Variants in SLC22A23 observed in about 807,000 individuals in gnomAD.
The protein encoded by SLC22A23 is ion transporter protein.
In SLC22A23, 26 loss-of-function variants were observed where a neutral mutation model predicts 61.0. The observed-to-expected ratio is 0.43, with a 90% CI of 0.31 to 0.59. The LOEUF is 0.59. Among genes scored for constraint, SLC22A23 ranks in the 20% least tolerant of loss-of-function variants. SLC22A23 has a pLI of 0.11. For synonymous variants in SLC22A23, 430 were observed against 413.9 expected, an observed-to-expected ratio of 1.04 and a Z score of -0.47; for missense variants, 796 against 934.7, an observed-to-expected ratio of 0.85 and a Z score of 1.94.
Position 3,427,247 on chromosome 6 carries a change from G to T in SLC22A23, c.655-11392C>A, listed in dbSNP as rs916870782. Among the ~76,000 whole-genome samples the T allele has an allele frequency of 5.3e-5, 8 of 152,052 alleles. No homozygotes were observed. Among genetic ancestry groups the T allele is most frequent in the African/African-American group, 1.7e-4 (7 of 41,312 alleles). ...TAACATCGGGAATGCGCCTGGTGCA[G>T]TAACCGGCACAAAGTGATTATTACT... On this transcript the variant is annotated intron_variant, in intron 1 of 9. Transcript: ENST00000406686. This position sits in a 1 kb window ranked among gnomAD's most constrained non-coding sequence, Gnocchi z 4.3.
rs1769528705 is a variant in SLC22A23, at chr6:3,414,552, G to C, written c.758+1200C>G. The stretch of plus-strand genomic sequence containing the variant: ...AACTCCCAAATACACGCTGGGTTTT[G>C]GAAGAAATTTTCCACATGTGTAATG... On this transcript the variant is annotated intron_variant, in intron 2 of 9. Transcript: ENST00000406686. The surrounding 1 kb of genome is among the most constrained non-coding windows in gnomAD (Gnocchi z 5.1). 6.6e-6 allele frequency among the ~76,000 whole-genome samples: 1 copy of C among 151,946 alleles called. No homozygotes were observed. The highest frequency in any genetic ancestry group is 1.5e-5 in the Non-Finnish European group (1 of 67,986).
chr6:3,391,912 A>T (rs1767684777), intron 3 of SLC22A23, among the ~76,000 whole-genome samples: 1 of 152,050 alleles, frequency 6.6e-6, no homozygotes, highest in Non-Finnish European at 1.5e-5. Context: ...AGTACAAAGG[A>T]ACTAAGGAGC....
At chr6:3,320,578 G>T (rs928294154) in intron 4 of SLC22A23, among the ~76,000 whole-genome samples, 30 of 152,174 alleles carry the variant, frequency 2.0e-4, no homozygotes, top group Non-Finnish European at 2.9e-4. Context: ...TGGTCATGCT[G>T]GCTGGTGCTA....
Position 3,317,514 on chromosome 6 carries a change from G to A in SLC22A23, c.1082+6320C>T, listed in dbSNP as rs957600771. ...GTGGTTTGGATCTTGCATCTTCCCCGCCAACCCCTCGTTGTTGGCTGTGAC... is the reference window on the plus strand; with the variant it reads ...GTGGTTTGGATCTTGCATCTTCCCCACCAACCCCTCGTTGTTGGCTGTGAC... On this transcript the variant is annotated intron_variant, in intron 4 of 9. Coordinates refer to ENST00000406686, the MANE Select transcript of SLC22A23 (RefSeq NM_015482.2). This position sits in a 1 kb window ranked among gnomAD's most constrained non-coding sequence, Gnocchi z 4.4. Among the ~76,000 whole-genome samples, 8 of 152,006 alleles carry A rather than the reference G, an allele frequency of 5.3e-5. No homozygotes were observed. Among genetic ancestry groups the A allele is most frequent in the East Asian group, 1.9e-4 (1 of 5,200 alleles).
chr6:3,300,071 T>A (rs1761482459), intron 4 of SLC22A23, among the ~76,000 whole-genome samples: 1 of 140,396 alleles, frequency 7.1e-6, no homozygotes, highest in Non-Finnish European at 1.5e-5. Context: ...AGTGCAGTGG[T>A]GTGATCTCAG....
chr6:3,321,782 G>A (rs1403046593), intron 4 of SLC22A23, among the ~76,000 whole-genome samples: 1 of 152,116 alleles, frequency 6.6e-6, no homozygotes, highest in African/African-American at 2.4e-5. Flanking sequence ...AAGAGGCTGT[G>A]CCCTGTTCTC....
intron 8 of SLC22A23, 138 bp downstream of exon 8, chr6:3,284,941 G>A: frequency 6.5e-7 from 1 of 1,546,248 alleles, no homozygotes; most frequent in Non-Finnish European, 8.7e-7. Flanking sequence ...CCAACCTACG[G>A]CCAACTTCAG....
intron 3 of SLC22A23, among the ~76,000 whole-genome samples, chr6:3,340,312 G>A (rs1016895022): frequency 7.9e-5 from 12 of 152,180 alleles, no homozygotes; most frequent in African/African-American, 2.9e-4. Flanking sequence ...AGAAAGTGAT[G>A]ATATAAGGTA....
In SLC22A23 at chr6:3,400,465, G is replaced by T. The variant is rs1768306355; in HGVS notation, c.913+9723C>A. On this transcript the variant is annotated intron_variant, in intron 3 of 9. Transcript: ENST00000406686. The stretch of plus-strand genomic sequence containing the variant: ...GATGGTATCTCAGGGCAGCTCTGGT[G>T]CTTGCAGTAGGATGGTGGCCATCAC... Among the ~76,000 whole-genome samples, 3 of 152,254 alleles carry T rather than the reference G, an allele frequency of 2.0e-5. No individual in the cohort carries two copies. In the South Asian group the frequency reaches 6.2e-4, roughly 31 times the overall value.
chr6:3,278,449 C>T (rs979504609), intron 9 of SLC22A23, among the ~76,000 whole-genome samples: 3 of 152,346 alleles, frequency 2.0e-5, no homozygotes, highest in East Asian at 1.9e-4. Flanking sequence ...CCCAGACCAC[C>T]GTTCAAAGAC....
At position 3,286,059 on chromosome 6, in the gene SLC22A23, CT is replaced by C. The variant is rs749822110; in HGVS notation, c.1546+799del. Among the ~76,000 whole-genome samples, 4 of 151,284 alleles carry C rather than the reference CT, an allele frequency of 2.6e-5. No individual in the cohort carries two copies. Among genetic ancestry groups the C allele is most frequent in the Non-Finnish European group, 5.9e-5 (4 of 67,936 alleles). Reference sequence around the variant, plus strand: ...TTTGTTGGTGAGGAGCTATACAGAGCTTGCTGGAAGGGCCAGATGGACTCTC... The same window carrying C: ...TTTGTTGGTGAGGAGCTATACAGAGCTGCTGGAAGGGCCAGATGGACTCTC... On this transcript the variant is annotated intron_variant, in intron 7 of 9. Transcript: ENST00000406686. This position sits in a 1 kb window ranked among gnomAD's most constrained non-coding sequence, Gnocchi z 4.2.
At position 3,327,173 on chromosome 6, in the gene SLC22A23, C is replaced by T. The variant is rs9503537; in HGVS notation, c.914-3171G>A. On this transcript the variant is annotated intron_variant, in intron 3 of 9. Coordinates refer to ENST00000406686, the MANE Select transcript of SLC22A23 (RefSeq NM_015482.2). This position sits in a 1 kb window ranked among gnomAD's most constrained non-coding sequence, Gnocchi z 4.1. ...CCCACACCTTGAAGATGGTTCCAGT[C>T]GCCTGGCCAGGGGCCACTGGCCTTG... is the stretch of plus-strand genomic sequence containing the variant. Among the ~76,000 whole-genome samples, 17,835 of 152,234 alleles carry T rather than the reference C, an allele frequency of 0.12. 1,156 individuals carry two copies. Among genetic ancestry groups the T allele is most frequent in the South Asian group, 0.25 (1,185 of 4,816 alleles).
rs1003548564 is a variant in SLC22A23 at position 3,387,177 on chromosome 6, T to C, written c.913+23011A>G. Among the ~76,000 whole-genome samples the C allele has an allele frequency of 6.6e-6, 1 of 152,124 alleles. No homozygotes were observed. The highest frequency in any genetic ancestry group is 1.5e-5 in the Non-Finnish European group (1 of 68,016). The stretch of plus-strand genomic sequence containing the variant: ...AGTGACTCACTCCTAACAAACTAAG[T>C]GGAGAAAGGGAAAACTAGTAACTGC... On this transcript the variant is annotated intron_variant, in intron 3 of 9. Transcript: ENST00000406686. This position sits in a 1 kb window ranked among gnomAD's most constrained non-coding sequence, Gnocchi z 5.0.
intron 1 of SLC22A23, among the ~76,000 whole-genome samples, chr6:3,417,080 G>C (rs1209769891): frequency 6.6e-6 from 1 of 152,160 alleles, no homozygotes; most frequent in East Asian, 1.9e-4. Context: ...GCCTTATCGA[G>C]GCCCCTGAGG....
chr6:3,430,563 C>T (rs968226692), intron 1 of SLC22A23, among the ~76,000 whole-genome samples: 2 of 152,226 alleles, frequency 1.3e-5, no homozygotes, highest in Admixed American at 6.5e-5. Flanking sequence ...TTGAGTGCCA[C>T]ACCCCAAGGA....
rs556300032 is a variant in SLC22A23 at position 3,372,028 on chromosome 6, T to G, written c.913+38160A>C. ...AATCCCACGACCATCCCAGGAGGTA[T>G]GTACTCTCATCATCCCTAATTTACA... On this transcript the variant is annotated intron_variant, in intron 3 of 9. Coordinates refer to ENST00000406686, the MANE Select transcript of SLC22A23 (RefSeq NM_015482.2). This position sits in a 1 kb window ranked among gnomAD's most constrained non-coding sequence, Gnocchi z 4.7. Among the ~76,000 whole-genome samples the G allele has an allele frequency of 9.8e-5, 15 of 152,320 alleles. No homozygotes were observed. The highest frequency in any genetic ancestry group is 3.6e-4 in the African/African-American group (15 of 41,570).
At chr6:3,453,485 C>A (rs1396435738) in intron 1 of SLC22A23, among the ~76,000 whole-genome samples, 1 of 152,166 alleles carries the variant, frequency 6.6e-6, no homozygotes, top group African/African-American at 2.4e-5. Context: ...TCCCTTTTAA[C>A]TACAATAACC....
intron 3 of SLC22A23, among the ~76,000 whole-genome samples, chr6:3,357,107 A>G (rs1184009827): frequency 6.6e-6 from 1 of 151,398 alleles, no homozygotes; most frequent in Non-Finnish European, 1.5e-5. Flanking sequence ...CAGGCACTGT[A>G]ATGAAATGCT....
intron 3 of SLC22A23, among the ~76,000 whole-genome samples, chr6:3,358,960 C>T (rs6923667): frequency 0.35 from 53,856 of 151,968 alleles, 9,768 homozygotes; most frequent in Middle Eastern, 0.44. Context: ...CGAGCTGCCA[C>T]CCATTGCATT....
Sources: gnomAD v4.1 joint callset for allele counts (sites outside exome capture counted in the v4.1 genomes callset) on GRCh38, gnomAD v4.1.1 for gene constraint, Gnocchi (gnomAD v3.1) non-coding constraint, MANE v1.5 for transcripts, NCBI Gene and HGNC (gene_info 2026-07-23, HGNC 2026-07-21) for gene names.